ANKLE2: variants seen among roughly 807,000 people sequenced by gnomAD.
ANKLE2 encodes the protein ankyrin repeat and LEM domain-containing protein 2.
ANKLE2 carries 55 observed loss-of-function variants against 84.2 expected under a neutral mutation model. The observed-to-expected ratio is 0.65, with a 90% CI of 0.53 to 0.82. The LOEUF (loss-of-function observed/expected upper bound fraction) is 0.82. Among genes scored for constraint, ANKLE2 ranks in the 40% least tolerant of loss-of-function variants. The probability of loss-of-function intolerance (pLI) is 0.00; values close to 1 mark genes in which losing one functional copy is unlikely to be tolerated. For synonymous variants in ANKLE2, 551 were observed against 486.1 expected (o/e 1.13, Z -1.76); for missense variants, 1,238 against 1,201.9 (o/e 1.03, Z -0.44).
At chr12:132,752,819 A>G (rs1162485229) in intron 2 of ANKLE2, among the ~76,000 whole-genome samples, 1 of 152,140 alleles carries the variant, frequency 6.6e-6, no homozygotes, top group East Asian at 1.9e-4. Flanking sequence ...CCCAATTAAT[A>G]CTGAGTTCTC....
At chr12:132,745,162 C>T (rs73157026) in intron 5 of ANKLE2, 7,040 of 153,506 alleles carry the variant, frequency 0.046, 520 homozygotes, top group African/African-American at 0.16. Context: ...ACACAGACGC[C>T]GCCAGCCAAG....
At chr12:132,729,187 C>T (rs1277947265) in intron 11 of ANKLE2, among the ~76,000 whole-genome samples, 1 of 150,234 alleles carries the variant, frequency 6.7e-6, no homozygotes, top group Non-Finnish European at 1.5e-5. Context: ...CCCATCTCTA[C>T]TAAAAATACA....
chr12:132,734,777 G>C (rs527380790), intron 9 of ANKLE2: 1 of 570,210 alleles, frequency 1.8e-6, no homozygotes, highest in African/African-American at 1.9e-5. Flanking sequence ...AGCAGGACCC[G>C]GCACAGCTCT....
intron 10 of ANKLE2, chr12:132,731,146 G>C (rs1213957861): frequency 6.6e-6 from 1 of 152,232 alleles, no homozygotes; most frequent in East Asian, 1.9e-4. Context: ...GGAGGATCCA[G>C]AACACTTGAG....
At position 132,760,724 on chromosome 12, in the gene ANKLE2, A is replaced by G. The variant is rs529932338; in HGVS notation, c.181+894T>C. 4 of 152,334 alleles carry G rather than the reference A, an allele frequency of 2.6e-5. 1 individual carries two copies. The highest frequency in any genetic ancestry group is 7.2e-5 in the African/African-American group (3 of 41,562). 9.4% of individuals were successfully genotyped at this position (152,334 alleles called of 1,614,324 possible). On this transcript the variant is annotated intron_variant, in intron 1 of 12. Transcript: ENST00000357997. Reference sequence around the variant, plus strand: ...CCGCCTCCAGGAACCCCCACGTACTATCTGGAAGCTCCCTGAACCCAGCCC... The same window carrying G: ...CCGCCTCCAGGAACCCCCACGTACTGTCTGGAAGCTCCCTGAACCCAGCCC...
At chr12:132,744,608 A>C (rs1012272929) in intron 5 of ANKLE2, among the ~76,000 whole-genome samples, 2 of 152,122 alleles carry the variant, frequency 1.3e-5, no homozygotes, top group Admixed American at 6.5e-5. Context: ...TGCATATACC[A>C]CCACGCTACC....
chr12:132,754,191 G>C (rs2044425064), intron 2 of ANKLE2, among the ~76,000 whole-genome samples: 1 of 152,224 alleles, frequency 6.6e-6, no homozygotes, highest in African/African-American at 2.4e-5. Flanking sequence ...GCAGTGAGCT[G>C]AGATCACGCC....
At chr12:132,736,185 C>G (rs921021775) in intron 8 of ANKLE2, among the ~76,000 whole-genome samples, 2 of 152,186 alleles carry the variant, frequency 1.3e-5, no homozygotes, top group Non-Finnish European at 2.9e-5. Context: ...CTCCTGACCT[C>G]GTGATCCACC....
At chr12:132,735,672 C>A (rs2043994372) in intron 8 of ANKLE2, among the ~76,000 whole-genome samples, 160 bp from the exon 9 acceptor site, 1 of 152,226 alleles carries the variant, frequency 6.6e-6, no homozygotes, top group Non-Finnish European at 1.5e-5. Flanking sequence ...CCACCTGTGG[C>A]ATGGCTGAGT....
intron 2 of ANKLE2, among the ~76,000 whole-genome samples, chr12:132,752,993 TAA>T (rs374135387): frequency 1.4e-5 from 2 of 138,972 alleles, no homozygotes; most frequent in African/African-American, 2.7e-5. Context: ...CCCAGTCTCT[TAA>T]AAAAAAAAAA....
intron 1 of ANKLE2, 138 bp from the exon 2 acceptor site, chr12:132,755,271 C>T (rs1321011427): frequency 3.3e-5 from 26 of 779,912 alleles, no homozygotes; most frequent in Non-Finnish European, 4.5e-5. Flanking sequence ...TGGCTGGACG[C>T]GGTGGCTCAC....
At chr12:132,731,232 C>T (rs965164542) in intron 10 of ANKLE2, 8 of 152,196 alleles carry the variant, frequency 5.3e-5, no homozygotes, top group Admixed American at 3.9e-4. Flanking sequence ...AGTCACAAGA[C>T]AACACTGTAA....
intron 1 of ANKLE2, chr12:132,760,570 C>T (rs1243688184): frequency 6.6e-6 from 1 of 152,160 alleles, no homozygotes; most frequent in African/African-American, 2.4e-5. Context: ...TAGAGTGGCT[C>T]CCGAACTCAC....
intron 6 of ANKLE2, among the ~76,000 whole-genome samples, chr12:132,742,950 G>A (rs1391611411): frequency 6.6e-6 from 1 of 152,114 alleles, no homozygotes; most frequent in South Asian, 2.1e-4. Context: ...AACTGCGTCA[G>A]TTCCTTCCCT....
At chr12:132,742,788 A>T (rs76186780) in intron 6 of ANKLE2, among the ~76,000 whole-genome samples, 3 of 600 alleles carry the variant, frequency 5.0e-3, no homozygotes, top group African/African-American at 0.018. Flanking sequence ...CACTACCACC[A>T]TCATCACCAT....
In ANKLE2 at chr12:132,743,304, T is replaced by C. The variant is rs2044168588; in HGVS notation, c.1231-28A>G. ...GAAAAAAGGTGCAGAGGAAGTACAA[T>C]TATTCACACTTGTCTCATGAGGTTG... On this transcript the variant is annotated intron_variant, in intron 5 of 12. Transcript: ENST00000357997. The surrounding 1 kb of genome is among the most constrained non-coding windows in gnomAD (Gnocchi z 4.1). 7 of 1,569,814 alleles carry C rather than the reference T, an allele frequency of 4.5e-6. No homozygotes were observed. The highest frequency in any genetic ancestry group is 5.2e-6 in the Non-Finnish European group (6 of 1,155,858).
chr12:132,738,566 C>A (rs1333828775), intron 7 of ANKLE2: 1 of 151,898 alleles, frequency 6.6e-6, no homozygotes, highest in Non-Finnish European at 1.5e-5. Flanking sequence ...GCTCTGTCAC[C>A]CAGGCTGGAG....
intron 11 of ANKLE2, 55 bp from the exon 12 acceptor site, chr12:132,728,218 C>T (rs1001957626): frequency 1.9e-6 from 3 of 1,585,550 alleles, no homozygotes; most frequent in African/African-American, 1.4e-5. Context: ...ATAAAGACTT[C>T]TAAAATACCA....
intron 5 of ANKLE2, among the ~76,000 whole-genome samples, chr12:132,746,898 G>T (rs921355307): frequency 2.0e-5 from 3 of 152,182 alleles, no homozygotes; most frequent in Non-Finnish European, 4.4e-5. Context: ...TCTCAAGCAG[G>T]GCAGCTCCCC....
Sources: gnomAD v4.1 joint callset for allele counts (sites outside exome capture counted in the v4.1 genomes callset) on GRCh38, gnomAD v4.1.1 for gene constraint, Gnocchi (gnomAD v3.1) non-coding constraint, MANE v1.5 for transcripts, NCBI Gene and HGNC (gene_info 2026-07-23, HGNC 2026-07-21) for gene names.